Variants in PPM1H observed in about 807,000 individuals in gnomAD.
PPM1H encodes protein phosphatase, Mg2+/Mn2+ dependent 1H, also known as protein phosphatase 1H.
A neutral mutation model predicts 54.9 loss-of-function variants in PPM1H; 27 were observed. The ratio of observed to expected loss-of-function variants is 0.49; its 90% CI spans 0.36 to 0.68. PPM1H has a LOEUF of 0.68. Ranked by LOEUF, PPM1H falls within the 30% of genes least tolerant of loss-of-function variation. PPM1H has a pLI of 0.00. For synonymous variants in PPM1H, 305 were observed against 270.8 expected (o/e 1.13, Z -1.24); for missense variants, 596 against 667.8 (o/e 0.89, Z 1.19).
chr12:62,777,931 T>C (rs1305128615), intron 4 of PPM1H, among the ~76,000 whole-genome samples: 1 of 152,204 alleles, frequency 6.6e-6, no homozygotes, highest in Non-Finnish European at 1.5e-5. Context: ...TTTTCATTAT[T>C]CAAATGTGTT....
chr12:62,728,411 T>G (rs1461100024), intron 5 of PPM1H, among the ~76,000 whole-genome samples: 1 of 152,174 alleles, frequency 6.6e-6, no homozygotes, highest in Non-Finnish European at 1.5e-5. Context: ...TGTCTTTCTA[T>G]GGCCACTCTC....
Position 62,787,449 on chromosome 12 carries a change from A to G in PPM1H, c.869+777T>C, listed in dbSNP as rs905147062. 3.9e-5 allele frequency among the ~76,000 whole-genome samples: 6 copies of G among 152,342 alleles called. No homozygotes were observed. The South Asian group carries it at 6.2e-4, about 16-fold the overall frequency. ...TGAAAGCGGTGGAGAAGTGTGTAAT[A>G]CATGTTAGAATATTTGTTGCAAAAT... On this transcript the variant is annotated intron_variant, in intron 4 of 9. Coordinates refer to ENST00000228705, the MANE Select transcript of PPM1H (RefSeq NM_020700.2).
In PPM1H at chr12:62,934,630, G is replaced by C; in HGVS notation, c.107C>G (p.Pro36Arg). ...TGGCCGCCCGTAGGGGAAACGCAGG[G>C]GCAGGTCCGAGCCTCCGCAGCTGCC... ...GGGSCGGSDL[P>R]LRFPYGRPEF... Residue 36 changes from proline (P) to arginine (R), a missense_variant, in exon 1 of 10, where the codon CCC (proline) becomes CGC (arginine). By Grantham distance (103) the Pro-to-Arg change is moderately radical. Coordinates refer to ENST00000228705, the MANE Select transcript of PPM1H (RefSeq NM_020700.2). This position sits in a 1 kb window ranked among gnomAD's most constrained non-coding sequence, Gnocchi z 4.2. The C allele has an allele frequency of 6.3e-7, 1 of 1,591,938 alleles. No individual in the cohort carries two copies. Among genetic ancestry groups the C allele is most frequent in the East Asian group, 2.3e-5 (1 of 43,560 alleles).
At chr12:62,909,322 G>A (rs759869210) in intron 1 of PPM1H, among the ~76,000 whole-genome samples, 8 of 152,128 alleles carry the variant, frequency 5.3e-5, no homozygotes, top group Admixed American at 2.0e-4. Flanking sequence ...CAAAGCCATC[G>A]TTCTAAAACA....
At chr12:62,659,077 T>C in intron 9 of PPM1H, 3 of 728,694 alleles carry the variant, frequency 4.1e-6, no homozygotes, top group Non-Finnish European at 7.6e-6. Flanking sequence ...GAGCCGGAAG[T>C]GCTGCTGCCA....
chr12:62,772,914 C>G (rs1000780460), intron 4 of PPM1H, among the ~76,000 whole-genome samples: 1 of 152,152 alleles, frequency 6.6e-6, no homozygotes, highest in Non-Finnish European at 1.5e-5. Context: ...CTTTGGGAGG[C>G]TGAGGCAGGT....
At chr12:62,805,253 T>C (rs2076799732) in intron 2 of PPM1H, among the ~76,000 whole-genome samples, 1 of 152,166 alleles carries the variant, frequency 6.6e-6, no homozygotes, top group Non-Finnish European at 1.5e-5. Context: ...ACTTCTGTCC[T>C]GTCAGTGGGA....
At chr12:62,722,393 C>T (rs2076268688) in intron 5 of PPM1H, among the ~76,000 whole-genome samples, 1 of 152,110 alleles carries the variant, frequency 6.6e-6, no homozygotes, top group African/African-American at 2.4e-5. Context: ...ATTTGATTTA[C>T]AAATGAGAAC....
At chr12:62,683,026 TTTATTATTTATTATTA>T (rs1428624809) in intron 8 of PPM1H, among the ~76,000 whole-genome samples, 128 of 136,902 alleles carry the variant, frequency 9.3e-4, no homozygotes, top group African/African-American at 3.2e-3. Flanking sequence ...TTTGGGAGAG[TTTATTATTTATTATTA>T]TTATTATTAT....
rs1255664540 is a variant in PPM1H at position 62,803,080 on chromosome 12, AC to A, written c.412-921del. Reference sequence around the variant, plus strand: ...TCCTGAATTTTTAGAACATGTTTTCACCCTAGACAGCCAGTCTAGCCCAGGC... The same window carrying A: ...TCCTGAATTTTTAGAACATGTTTTCACCTAGACAGCCAGTCTAGCCCAGGC... On this transcript the variant is annotated intron_variant, in intron 2 of 9. Transcript: ENST00000228705. 3.9e-5 allele frequency among the ~76,000 whole-genome samples: 6 copies of A among 152,088 alleles called. No homozygotes were observed. In the South Asian group the frequency reaches 6.2e-4, roughly 16 times the overall value.
chr12:62,706,767 C>T (rs905227585), intron 6 of PPM1H, among the ~76,000 whole-genome samples: 2 of 152,032 alleles, frequency 1.3e-5, no homozygotes, highest in Admixed American at 1.3e-4. Flanking sequence ...ATAAATGCCA[C>T]AAAATGGCAT....
chr12:62,811,634 G>A (rs1342861857), intron 2 of PPM1H, among the ~76,000 whole-genome samples: 1 of 152,118 alleles, frequency 6.6e-6, no homozygotes, highest in African/African-American at 2.4e-5. Flanking sequence ...ATTGAATCAT[G>A]GGGGTGGTCA....
intron 4 of PPM1H, among the ~76,000 whole-genome samples, chr12:62,778,815 T>C (rs1330054298): frequency 2.6e-5 from 4 of 151,958 alleles, no homozygotes; most frequent in Non-Finnish European, 5.9e-5. Flanking sequence ...CCTGTAATCC[T>C]AGCTACTCAG....
Position 62,756,236 on chromosome 12 carries a change from C to T in PPM1H, c.870-18650G>A, listed in dbSNP as rs149525790. 1.2e-3 allele frequency: 930 copies of T among 784,306 alleles called. 9 individuals are homozygous for T. In the African/African-American group the frequency reaches 0.014, roughly 12 times the overall value. 48.6% of individuals were successfully genotyped at this position (784,306 alleles called of 1,614,324 possible). A position where few individuals can be genotyped will look rare whatever the true frequency, so the allele number is the denominator to read the frequency against. On this transcript the variant is annotated intron_variant, in intron 4 of 9. Coordinates refer to ENST00000228705, the MANE Select transcript of PPM1H (RefSeq NM_020700.2). ...CCCACATGACTTCCAAGGAGTAAGACCCCTGGACTACCAACCCCAGCGAGA... is the reference window on the plus strand; with the variant it reads ...CCCACATGACTTCCAAGGAGTAAGATCCCTGGACTACCAACCCCAGCGAGA...
At chr12:62,789,103 C>T (rs146634560) in intron 3 of PPM1H, among the ~76,000 whole-genome samples, 2,736 of 152,274 alleles carry the variant, frequency 0.018, 72 homozygotes, top group African/African-American at 0.063. Flanking sequence ...GCAGCCTTGA[C>T]CTCCTGGGCT....
rs1358052216 is a variant in PPM1H at position 62,755,182 on chromosome 12, C to A, written c.870-17596G>T. ...TCTGCTCCTCCCATTTGACAGACAG[C>A]CGCCTCTTCTCTCTCATTGACAGCT... On this transcript the variant is annotated intron_variant, in intron 4 of 9. Coordinates refer to ENST00000228705, the MANE Select transcript of PPM1H (RefSeq NM_020700.2). The A allele has an allele frequency of 1.4e-5, 8 of 575,958 alleles. No homozygotes were observed. The East Asian group carries it at 2.4e-4, about 17-fold the overall frequency. 35.7% of individuals were successfully genotyped at this position (575,958 alleles called of 1,614,324 possible).
At chr12:62,916,572 A>C (rs1871629349) in intron 1 of PPM1H, among the ~76,000 whole-genome samples, 1 of 152,202 alleles carries the variant, frequency 6.6e-6, no homozygotes, top group South Asian at 2.1e-4. Flanking sequence ...ATATAGTAAA[A>C]ATAAATATAT....
rs779322471 is a variant in PPM1H at position 62,687,161 on chromosome 12, C to T, written c.1245+2538G>A. The stretch of plus-strand genomic sequence containing the variant: ...CTCCATGTGAGGGCTGAGAGCTTTC[C>T]GCTGTGGAGGCTTTGCAGGGCTGCC... On this transcript the variant is annotated intron_variant, in intron 8 of 9. Coordinates refer to ENST00000228705, the MANE Select transcript of PPM1H (RefSeq NM_020700.2). Among the ~76,000 whole-genome samples the T allele has an allele frequency of 2.6e-4, 40 of 152,348 alleles. 1 individual carries two copies. The highest frequency in any genetic ancestry group is 7.2e-4 in the Admixed American group (11 of 15,304).
At chr12:62,745,244 T>C (rs2076403797) in intron 4 of PPM1H, among the ~76,000 whole-genome samples, 1 of 152,194 alleles carries the variant, frequency 6.6e-6, no homozygotes, top group Non-Finnish European at 1.5e-5. Context: ...ATTTTCTTTA[T>C]AGAGACGAGG....
Sources: gnomAD v4.1 joint callset for allele counts (sites outside exome capture counted in the v4.1 genomes callset) on GRCh38, gnomAD v4.1.1 for gene constraint, Gnocchi (gnomAD v3.1) non-coding constraint, MANE v1.5 for transcripts, NCBI Gene and HGNC (gene_info 2026-07-23, HGNC 2026-07-21) for gene names.